Variants in NOP14 observed in about 807,000 individuals in gnomAD.
The protein encoded by NOP14 is NOP14 nucleolar protein.
NOP14 carries 57 observed loss-of-function variants against 101.6 expected under a neutral mutation model. The observed-to-expected ratio is 0.56, with a 90% confidence interval of 0.45 to 0.70. NOP14 has a LOEUF of 0.70. NOP14 is among the 30% of genes least tolerant of loss of function. The pLI is 0.00. For synonymous variants in NOP14, 428 were observed against 424.0 expected, an observed-to-expected ratio of 1.01 and a Z score of -0.12; for missense variants, 1,134 against 1,075.5, an observed-to-expected ratio of 1.05 and a Z score of -0.76.
chr4:2,963,032 G>C, intron 1 of NOP14, 93 bp downstream of exon 1: 1 of 1,306,850 alleles, frequency 7.7e-7, no homozygotes, highest in Non-Finnish European at 1.0e-6. Flanking sequence ...GCCGCTCAAC[G>C]AGGAAACCGA....
At position 2,963,110 on chromosome 4, in the gene NOP14, G is replaced by A; in HGVS notation, c.195+15C>T. The A allele has an allele frequency of 6.6e-7, 1 of 1,525,804 alleles. No individual in the cohort carries two copies. Among genetic ancestry groups the A allele is most frequent in the Non-Finnish European group, 8.8e-7 (1 of 1,139,470 alleles). 94.5% of individuals were successfully genotyped at this position (1,525,804 alleles called of 1,614,324 possible). A position where few individuals can be genotyped will look rare whatever the true frequency, so the allele number is the denominator to read the frequency against. ...CAGATCCTGCCTTCCGGCTCCCCGT[G>A]CGCCCCCCGCTTACCTTCCTGAGGG... is the stretch of plus-strand genomic sequence containing the variant. On this transcript the variant is annotated intron_variant, in intron 1 of 17. Coordinates refer to ENST00000416614, the MANE Select transcript of NOP14 (RefSeq NM_001291978.2).
chr4:2,939,785 G>A (rs960575220), intron 15 of NOP14, 140 bp from the exon 16 acceptor site: 22 of 728,416 alleles, frequency 3.0e-5, no homozygotes, highest in Admixed American at 5.5e-5. Flanking sequence ...CTTGCTGTGC[G>A]CCTACCGGTG....
Position 2,956,699 on chromosome 4 carries a change from C to T in NOP14, c.443G>A (p.Ser148Asn). ...CAACGTTCCTCGATCCTCAGCATCG[C>T]TGTCACTGTCCACAATGTCATTATG... ...EKHNDIVDSD[S>N]DAEDRGTLSA... Residue 148 changes from serine (S) to asparagine (N), a missense_variant, in exon 3 of 18, where the codon AGC (serine) becomes AAC (asparagine). Ser to Asn is a conservative substitution (Grantham distance 46, BLOSUM62 1). Coordinates refer to ENST00000416614, the MANE Select transcript of NOP14 (RefSeq NM_001291978.2). 6.2e-7 allele frequency: 1 copy of T among 1,613,282 alleles called. No individual in the cohort carries two copies. The highest frequency in any genetic ancestry group is 8.5e-7 in the Non-Finnish European group (1 of 1,179,798).
At chr4:2,951,621 AC>A (rs1215654536) in intron 6 of NOP14, among the ~76,000 whole-genome samples, 1 of 151,756 alleles carries the variant, frequency 6.6e-6, no homozygotes. Context: ...CCACTATTTG[AC>A]CACACACTGG....
At chr4:2,954,347 G>C in intron 4 of NOP14, 77 bp downstream of exon 4, 1 of 1,528,314 alleles carries the variant, frequency 6.5e-7, no homozygotes, top group African/African-American at 1.4e-5. Flanking sequence ...AAAAGGTACA[G>C]GAAAAAAAAG....
Position 2,944,218 on chromosome 4 carries a change from G to C in NOP14, c.1746C>G (p.Ile582Met). 1 of 1,612,134 alleles carries C rather than the reference G, an allele frequency of 6.2e-7. No homozygotes were observed. Among genetic ancestry groups the C allele is most frequent in the Non-Finnish European group, 8.5e-7 (1 of 1,179,476 alleles). Residue 582 changes from isoleucine to methionine, a missense_variant, in exon 13 of 18, where the codon ATC (isoleucine) becomes ATG (methionine). Transcript: ENST00000416614. ...CLSQLLTKCP[I>M]LSLQDVVKGL... ...CCTTCACCACGTCCTGGAGGGACAG[G>C]ATGGGGCACTGGAAAGGAACATATG...
At position 2,944,240 on chromosome 4, in the gene NOP14, T is replaced by C. The variant is rs767217463; in HGVS notation, c.1738-14A>G. 1.9e-6 allele frequency: 3 copies of C among 1,607,286 alleles called. No individual in the cohort carries two copies. The highest frequency in any genetic ancestry group is 2.5e-6 in the Non-Finnish European group (3 of 1,177,910). On this transcript the variant is annotated splice_polypyrimidine_tract_variant and intron_variant, in intron 12 of 17. Coordinates refer to ENST00000416614, the MANE Select transcript of NOP14 (RefSeq NM_001291978.2). Reference sequence around the variant, plus strand: ...CAGGATGGGGCACTGGAAAGGAACATATGGGGGGTTACTGTCCTGGGACGA... The same window carrying C: ...CAGGATGGGGCACTGGAAAGGAACACATGGGGGGTTACTGTCCTGGGACGA...
At chr4:2,960,536 C>T (rs890740883) in intron 1 of NOP14, among the ~76,000 whole-genome samples, 7 of 151,526 alleles carry the variant, frequency 4.6e-5, no homozygotes, top group African/African-American at 1.2e-4. Flanking sequence ...ATGGAATTTA[C>T]GGCATAAAAT....
chr4:2,957,703 T>A lies in NOP14; in HGVS notation c.233A>T (p.Asp78Val). ...TTTATCTCTGAATACATTGGATTTA[T>A]CCCTTTCTTTGTACTCTTTTAGTAA... Reference protein sequence around the residue: ...QTLLKEYKERDKSNVFRDKRF... With the variant: ...QTLLKEYKERVKSNVFRDKRF... The change falls in exon 2 of 18, where the codon GAT (aspartate) becomes GTT (valine). Residue 78 changes from aspartate (D) to valine (V), a missense_variant. Physicochemically the swap from Asp to Val is radical, Grantham distance 152 (BLOSUM62 -3). Coordinates refer to ENST00000416614, the MANE Select transcript of NOP14 (RefSeq NM_001291978.2). 4 of 1,614,176 alleles carry A rather than the reference T, an allele frequency of 2.5e-6. No individual in the cohort carries two copies. Among genetic ancestry groups the A allele is most frequent in the Non-Finnish European group, 3.4e-6 (4 of 1,180,006 alleles).
At chr4:2,959,312 G>T (rs566770001) in intron 1 of NOP14, among the ~76,000 whole-genome samples, 1 of 152,332 alleles carries the variant, frequency 6.6e-6, no homozygotes, top group Admixed American at 6.5e-5. Context: ...CACCTTTGGG[G>T]CCGGGCGCGG....
chr4:2,960,808 A>C (rs1322138329), intron 1 of NOP14, among the ~76,000 whole-genome samples: 1 of 105,542 alleles, frequency 9.5e-6, no homozygotes, highest in Non-Finnish European at 1.9e-5. Context: ...TAATATATTA[A>C]TATTATAATC....
chr4:2,944,349 C>A, intron 12 of NOP14, 123 bp from the exon 13 acceptor site: 3 of 726,300 alleles, frequency 4.1e-6, no homozygotes, highest in East Asian at 2.6e-5. Flanking sequence ...AGGGAACCCC[C>A]GCACCTTATA....
At position 2,951,163 on chromosome 4, in the gene NOP14, T is replaced by C. The variant is rs1472966576; in HGVS notation, c.953A>G (p.Asn318Ser). ...ATCTTTATCTAGCACGAAGCCATCA[T>C]TCAGATCATCTGCTGACATATGTTT... ...KPKHMSADDL[N>S]DGFVLDKDDR... Residue 318 changes from asparagine (N) to serine (S), a missense_variant, in exon 7 of 18, where the codon AAT becomes AGT. Transcript: ENST00000416614. 1.9e-6 allele frequency: 3 copies of C among 1,613,930 alleles called. No individual in the cohort carries two copies. In the African/African-American group the frequency reaches 4.0e-5, roughly 22 times the overall value.
chr4:2,946,711 G>T (rs1714671167), intron 10 of NOP14, among the ~76,000 whole-genome samples, 164 bp from the exon 11 acceptor site: 1 of 152,190 alleles, frequency 6.6e-6, no homozygotes, highest in Admixed American at 6.5e-5. Context: ...ACTCACTTCT[G>T]CCATTTCCTA....
At chr4:2,960,687 TTATAATCACATTAATATTAA>T (rs1715682694) in intron 1 of NOP14, among the ~76,000 whole-genome samples, 1 of 107,024 alleles carries the variant, frequency 9.3e-6, no homozygotes. Flanking sequence ...TATATTAATA[TTATAATCACATTAATATTAA>T]TATATTAATA....
Position 2,938,694 on chromosome 4 carries a change from G to C in NOP14, c.*137C>G. 1 of 660,804 alleles carries C rather than the reference G, an allele frequency of 1.5e-6. No individual in the cohort carries two copies. The allele number at this position is 660,804 out of a possible 1,614,324, so 40.9% of individuals were successfully genotyped here. ...CTAATTTTTATGTTTTTTTGGTAGA[G>C]ACGGGGTCTTCCTGTGTTGCCCAGG... On this transcript the variant is annotated 3_prime_UTR_variant, in exon 18 of 18. Transcript: ENST00000416614.
intron 9 of NOP14, 105 bp downstream of exon 9, chr4:2,948,173 G>T: frequency 7.2e-7 from 1 of 1,386,198 alleles, no homozygotes; most frequent in Non-Finnish European, 9.6e-7. Context: ...GGCCCCATCT[G>T]GCCTGAGGCA....
intron 14 of NOP14, 138 bp from the exon 15 acceptor site, chr4:2,941,867 G>C (rs1714224597): frequency 1.9e-6 from 2 of 1,034,642 alleles, no homozygotes; most frequent in Non-Finnish European, 2.8e-6. Context: ...GCCAGGGTTG[G>C]GCCCATGCAA....
chr4:2,949,783 AG>A (rs1714889206), intron 8 of NOP14, 150 bp downstream of exon 8: 1 of 822,794 alleles, frequency 1.2e-6, no homozygotes, highest in African/African-American at 1.7e-5. Context: ...GACCTGGATC[AG>A]CAGACACAGG....
Sources: allele counts gnomAD v4.1 joint callset (sites outside exome capture counted in the v4.1 genomes callset), GRCh38; gene constraint gnomAD v4.1.1; transcripts MANE v1.5; gene names NCBI Gene and HGNC (gene_info 2026-07-23, HGNC 2026-07-21).